The following RSF1 variants were observed in gnomAD, a reference collection of about 807,000 sequenced individuals.
RSF1 encodes the protein HBV pX-associated protein 8.
A neutral mutation model predicts 145.2 loss-of-function variants in RSF1; 13 were observed. The ratio of observed to expected loss-of-function variants is 0.09; its 90% CI spans 0.06 to 0.14. The LOEUF is 0.14. Ranked by LOEUF, RSF1 falls within the 10% of genes least tolerant of loss-of-function variation. The probability of loss-of-function intolerance (pLI) is 1.00; values close to 1 mark genes in which losing one functional copy is unlikely to be tolerated. For synonymous variants in RSF1, 577 were observed against 592.6 expected (o/e 0.97, Z 0.38); for missense variants, 1,517 against 1,718.2 (o/e 0.88, Z 2.07).
At chr11:77,851,839 T>G in the RSF1 span, among the ~76,000 whole-genome samples, 1 of 152,212 alleles carries the variant, frequency 6.6e-6, no homozygotes, top group African/African-American at 2.4e-5. Context: ...CTCTTTTGTT[T>G]ATAAATTACC....
chr11:77,668,337 G>A (rs547126895), intron 15 of RSF1, among the ~76,000 whole-genome samples: 74 of 152,326 alleles, frequency 4.9e-4, no homozygotes, highest in Non-Finnish European at 8.2e-4. Context: ...GTCTGATAAT[G>A]CTTGAATTAA....
the RSF1 span, chr11:77,842,769 TA>T: frequency 8.4e-7 from 1 of 1,193,536 alleles, no homozygotes; most frequent in Non-Finnish European, 1.2e-6. Context: ...TTCACCCTTT[TA>T]AAGTATGCAA....
chr11:77,766,464 A>G (rs1242617232), intron 1 of RSF1, among the ~76,000 whole-genome samples: 1 of 152,028 alleles, frequency 6.6e-6, no homozygotes, highest in Non-Finnish European at 1.5e-5. Flanking sequence ...GTCTTTAATG[A>G]GCCTACTTGA....
At position 77,740,758 on chromosome 11, in the gene RSF1, T is replaced by C. The variant is rs754507415; in HGVS notation, c.551A>G (p.Asp184Gly). The change falls in exon 4 of 16, where the codon GAT becomes GGT. Residue 184 changes from aspartate to glycine, a missense_variant. Physicochemically the swap from Asp to Gly is moderately conservative, Grantham distance 94 (BLOSUM62 -1). Around this residue, in one of 12 missense-constraint regions of RSF1, gnomAD observed 94 missense variants for 143.6 expected, o/e 0.65. Coordinates refer to ENST00000308488, the MANE Select transcript of RSF1 (RefSeq NM_016578.4). ...RMYIEEQDDQDGSSWKCIVRN... is the reference protein window; with the variant it reads ...RMYIEEQDDQGGSSWKCIVRN... ...GACAATGCATTTCCATGAAGAGCCA[T>C]CTTGATCATCTTGTTCTTCTATGTA... 1.2e-6 allele frequency: 2 copies of C among 1,614,066 alleles called. No homozygotes were observed. The highest frequency in any genetic ancestry group is 2.2e-5 in the South Asian group (2 of 91,080).
the RSF1 span, chr11:77,869,718 C>A: frequency 1.9e-6 from 3 of 1,613,512 alleles, no homozygotes; most frequent in Non-Finnish European, 2.5e-6. Flanking sequence ...CTTTCCACAT[C>A]CAGCATTCTC....
chr11:77,692,002 T>C (rs1043529902), intron 8 of RSF1, among the ~76,000 whole-genome samples: 3 of 152,118 alleles, frequency 2.0e-5, no homozygotes, highest in Non-Finnish European at 2.9e-5. Context: ...GCGATTCTGG[T>C]GCCTCAGTTT....
chr11:77,697,727 T>C (rs1037497280), intron 7 of RSF1, among the ~76,000 whole-genome samples: 2 of 151,506 alleles, frequency 1.3e-5, no homozygotes, highest in African/African-American at 4.8e-5. Context: ...AGTCGGTATA[T>C]AGCAGGTGTA....
the RSF1 span, among the ~76,000 whole-genome samples, chr11:77,863,167 G>A: frequency 1.7e-3 from 252 of 152,256 alleles, no homozygotes; most frequent in African/African-American, 5.9e-3. Context: ...GAAGAGAACC[G>A]TGGAACCCAG....
chr11:77,711,132 C>G (rs1029644943), intron 5 of RSF1, among the ~76,000 whole-genome samples: 2 of 134,700 alleles, frequency 1.5e-5, no homozygotes, highest in Non-Finnish European at 3.1e-5. Context: ...GACCCCCACA[C>G]ATTTTTAACT....
the RSF1 span, among the ~76,000 whole-genome samples, chr11:77,837,728 G>A: frequency 6.6e-6 from 1 of 152,046 alleles, no homozygotes; most frequent in Non-Finnish European, 1.5e-5. Context: ...GAACCACCAC[G>A]CCCAGCCCTC....
At chr11:77,674,447 C>G (rs1959637609) in intron 14 of RSF1, among the ~76,000 whole-genome samples, 1 of 152,224 alleles carries the variant, frequency 6.6e-6, no homozygotes, top group Non-Finnish European at 1.5e-5. Context: ...GTATTCTTCT[C>G]TCTCCAACAG....
At chr11:77,691,501 T>A in intron 8 of RSF1, 1 of 424,174 alleles carries the variant, frequency 2.4e-6, no homozygotes, top group Non-Finnish European at 4.2e-6. Context: ...CTGGCAATAG[T>A]CAATGTTTAA....
intron 11 of RSF1, among the ~76,000 whole-genome samples, chr11:77,678,747 G>A (rs995314090): frequency 6.6e-6 from 1 of 152,078 alleles, no homozygotes; most frequent in Non-Finnish European, 1.5e-5. Context: ...ATCTATGAAG[G>A]AGCAGGCCTT....
In RSF1 at chr11:77,701,835, T is replaced by G. The variant is rs779350452; in HGVS notation, c.1394A>C (p.Tyr465Ser). The part of the protein sequence containing the change: ...FKTEPIETKF[Y>S]ETKEESYSPS... ...GCTATAGCTCTCTTCCTTTGTCTCA[T>G]AAAACTTTGTCTCTATTGGTTCTGT... Residue 465 changes from tyrosine to serine, a missense_variant, in exon 6 of 16, where the codon TAT (tyrosine) becomes TCT (serine). Transcript: ENST00000308488. 1.9e-6 allele frequency: 3 copies of G among 1,614,016 alleles called. No homozygotes were observed. In the African/African-American group the frequency reaches 4.0e-5, roughly 22 times the overall value.
chr11:77,743,098 G>A (rs367979921), intron 3 of RSF1, among the ~76,000 whole-genome samples: 1 of 152,070 alleles, frequency 6.6e-6, no homozygotes, highest in African/African-American at 2.4e-5. Flanking sequence ...TCCAGTGGTC[G>A]ATATATCTGC....
At position 77,747,028 on chromosome 11, in the gene RSF1, T is replaced by C; in HGVS notation, c.372+8A>G. 6.5e-7 allele frequency: 1 copy of C among 1,529,542 alleles called. No homozygotes were observed. Among genetic ancestry groups the C allele is most frequent in the Non-Finnish European group, 9.0e-7 (1 of 1,109,960 alleles). 94.7% of individuals were successfully genotyped at this position (1,529,542 alleles called of 1,614,324 possible). A position where few individuals can be genotyped will look rare whatever the true frequency, so the allele number is the denominator to read the frequency against. On this transcript the variant is annotated splice_region_variant and intron_variant, in intron 3 of 15. Transcript: ENST00000308488. ...TAAAATAACTGTAACAAATAATAGA[T>C]TTATTACCTTTAAGAGTGCTAGTTT...
the RSF1 span, chr11:77,842,558 C>T: frequency 6.2e-7 from 1 of 1,614,072 alleles, no homozygotes; most frequent in Non-Finnish European, 8.5e-7. Context: ...GGCTCTAATA[C>T]AACCTATAAG....
Position 77,701,281 on chromosome 11 carries a change from A to G in RSF1, c.1948T>C (p.Cys650Arg). Reference protein sequence around the residue: ...KLASEKEVVECQSTSTVGGQS... With the variant: ...KLASEKEVVERQSTSTVGGQS... ...CCACCAACAGTACTTGTACTCTGGC[A>G]TTCTACCACTTCTTTTTCTGAGGCT... Residue 650 changes from cysteine to arginine, a missense_variant, in exon 6 of 16, where the codon TGC becomes CGC. This residue lies in a region of RSF1 where 579 missense variants were observed against 553.5 expected (regional missense o/e 1.05). Transcript: ENST00000308488. The G allele has an allele frequency of 6.2e-7, 1 of 1,614,128 alleles. No homozygotes were observed. The highest frequency in any genetic ancestry group is 2.2e-5 in the East Asian group (1 of 44,872).
Position 77,664,541 on chromosome 11 carries a change from G to A in RSF1, c.*2376C>T, listed in dbSNP as rs1023306078. 4.5e-4 allele frequency: 68 copies of A among 152,248 alleles called. No homozygotes were observed. The highest frequency in any genetic ancestry group is 1.6e-3 in the African/African-American group (68 of 41,532). 9.4% of individuals were successfully genotyped at this position (152,248 alleles called of 1,614,324 possible). ...CATTTAATACTACTTCTGATCACTTGGCTTAACTGAGGAATAGAATAGGTG... is the reference window on the plus strand; with the variant it reads ...CATTTAATACTACTTCTGATCACTTAGCTTAACTGAGGAATAGAATAGGTG... On this transcript the variant is annotated 3_prime_UTR_variant, in exon 16 of 16. Transcript: ENST00000308488.
Sources: allele counts gnomAD v4.1 joint callset (sites outside exome capture counted in the v4.1 genomes callset), GRCh38; gene constraint gnomAD v4.1.1; regional missense constraint gnomAD v4.1.1; transcripts MANE v1.5; gene names NCBI Gene and HGNC (gene_info 2026-07-23, HGNC 2026-07-21).